Variants in PCDHA3 observed in about 807,000 individuals in gnomAD.
The protein encoded by PCDHA3 is protocadherin alpha 3, also known as protocadherin alpha-3.
PCDHA3 carries 41 observed loss-of-function variants against 62.2 expected under a neutral mutation model. That is an observed-to-expected ratio of 0.66 (90% CI 0.51 to 0.86). The LOEUF (loss-of-function observed/expected upper bound fraction) is 0.86, where lower values mean the gene tolerates loss of function less well. PCDHA3 is among the 40% of genes least tolerant of loss of function. The pLI, the probability that PCDHA3 is intolerant of heterozygous loss-of-function variation, is 0.00. For synonymous variants in PCDHA3, 640 were observed against 555.4 expected (o/e 1.15, Z -2.14); for missense variants, 1,304 against 1,241.2 (o/e 1.05, Z -0.76).
chr5:140,869,244 C>A (rs782454826), intron 1 of PCDHA3: 1 of 1,613,658 alleles, frequency 6.2e-7, no homozygotes. Flanking sequence ...TCGTGGGCCG[C>A]ATCGCGCAGG....
At chr5:140,971,958 C>G (rs2096508715) in intron 1 of PCDHA3, among the ~76,000 whole-genome samples, 1 of 152,054 alleles carries the variant, frequency 6.6e-6, no homozygotes, top group Non-Finnish European at 1.5e-5. Context: ...ACTCCAAAAA[C>G]TTTTTTTCAA....
chr5:140,874,547 G>C (rs2054980934), intron 1 of PCDHA3, among the ~76,000 whole-genome samples: 1 of 152,190 alleles, frequency 6.6e-6, no homozygotes, highest in Non-Finnish European at 1.5e-5. Context: ...AACCCTTTAA[G>C]AGATCTTTCG....
chr5:140,876,176 TG>T (rs1554168338), intron 1 of PCDHA3: 2 of 1,613,930 alleles, frequency 1.2e-6, no homozygotes, highest in Non-Finnish European at 1.7e-6. Context: ...GTCCTGGATG[TG>T]AATGACAATG....
Position 140,843,095 on chromosome 5 carries a change from G to GC in PCDHA3, c.2394+39505dup. On this transcript the variant is annotated intron_variant, in intron 1 of 3. Coordinates refer to ENST00000522353, the MANE Select transcript of PCDHA3 (RefSeq NM_018906.3). ...GTCTGTGGGCGCGGGCCACGTGGTA[G>GC]CGAAGGTGCGCGCAGTGGACGCCGA... is the stretch of plus-strand genomic sequence containing the variant. The GC allele has an allele frequency of 4.4e-6, 7 of 1,595,672 alleles. 2 individuals are homozygous for GC. The highest frequency in any genetic ancestry group is 6.0e-6 in the Non-Finnish European group (7 of 1,165,442).
At chr5:140,833,358 C>G (rs1772420671) in intron 1 of PCDHA3, among the ~76,000 whole-genome samples, 1 of 152,128 alleles carries the variant, frequency 6.6e-6, no homozygotes, top group Non-Finnish European at 1.5e-5. Flanking sequence ...AAAACGAACA[C>G]AGTAAGGTAG....
chr5:140,995,543 G>A (rs1243799532), intron 3 of PCDHA3, among the ~76,000 whole-genome samples: 1 of 152,144 alleles, frequency 6.6e-6, no homozygotes, highest in Non-Finnish European at 1.5e-5. Context: ...AATAAGGGGC[G>A]ATCACTGTAC....
chr5:140,806,983 G>T, intron 1 of PCDHA3: 2 of 643,876 alleles, frequency 3.1e-6, no homozygotes, highest in South Asian at 2.0e-5. Flanking sequence ...ACGGTTTGGA[G>T]CCACATGATG....
chr5:140,949,111 T>C (rs1316111436), intron 1 of PCDHA3, among the ~76,000 whole-genome samples: 1 of 151,772 alleles, frequency 6.6e-6, no homozygotes, highest in African/African-American at 2.4e-5. Context: ...AGTTTACAAA[T>C]ATTTTTGGTT....
chr5:140,937,511 G>A (rs569896730), intron 1 of PCDHA3, among the ~76,000 whole-genome samples: 2 of 152,166 alleles, frequency 1.3e-5, no homozygotes, highest in Non-Finnish European at 2.9e-5. Context: ...CAGCTACTCA[G>A]GAGGCTGAGG....
chr5:140,888,748 T>C (rs782271029), intron 1 of PCDHA3, among the ~76,000 whole-genome samples: 13 of 152,122 alleles, frequency 8.5e-5, no homozygotes, highest in Admixed American at 7.9e-4. Flanking sequence ...GGAATTATTC[T>C]ACCCACTTTT....
At chr5:140,973,107 G>A (rs2096572271) in intron 1 of PCDHA3, among the ~76,000 whole-genome samples, 1 of 152,192 alleles carries the variant, frequency 6.6e-6, no homozygotes, top group South Asian at 2.1e-4. Flanking sequence ...TTATGAAAGA[G>A]TAGCAGAGAT....
At chr5:140,951,751 C>T (rs1206749897) in intron 1 of PCDHA3, among the ~76,000 whole-genome samples, 2 of 152,112 alleles carry the variant, frequency 1.3e-5, no homozygotes, top group Non-Finnish European at 2.9e-5. Flanking sequence ...CCTCACCCTC[C>T]GCGAAATCTC....
At chr5:140,921,992 C>T (rs963694302) in intron 1 of PCDHA3, among the ~76,000 whole-genome samples, 1 of 151,726 alleles carries the variant, frequency 6.6e-6, no homozygotes, top group East Asian at 1.9e-4. Context: ...AAAAAGAGTT[C>T]AATGAAATGA....
In PCDHA3 at chr5:140,836,093, G is replaced by T. The variant is rs1554135604; in HGVS notation, c.2394+32502G>T. ...CGCCGGCACTGCTGGCGCCTCGGGTGGGTGGCACTGGTGGCGCAGTGAGAG... is the reference window on the plus strand; with the variant it reads ...CGCCGGCACTGCTGGCGCCTCGGGTTGGTGGCACTGGTGGCGCAGTGAGAG... On this transcript the variant is annotated intron_variant, in intron 1 of 3. Coordinates refer to ENST00000522353, the MANE Select transcript of PCDHA3 (RefSeq NM_018906.3). 1.9e-6 allele frequency: 3 copies of T among 1,613,720 alleles called. No homozygotes were observed. The South Asian group carries it at 3.3e-5, about 18-fold the overall frequency.
At chr5:140,897,694 G>A (rs1091552) in intron 1 of PCDHA3, among the ~76,000 whole-genome samples, 2,266 of 152,206 alleles carry the variant, frequency 0.015, 53 homozygotes, top group African/African-American at 0.052. Context: ...AGTCCTTTGG[G>A]CATATACCCA....
chr5:140,932,991 C>T (rs2088784414), intron 1 of PCDHA3, among the ~76,000 whole-genome samples: 1 of 151,940 alleles, frequency 6.6e-6, no homozygotes, highest in African/African-American at 2.4e-5. Context: ...AAATGCATGT[C>T]ATATGAATAT....
chr5:140,972,406 A>T (rs75214457), intron 1 of PCDHA3, among the ~76,000 whole-genome samples: 3,555 of 151,374 alleles, frequency 0.023, 73 homozygotes, highest in Middle Eastern at 0.055. Flanking sequence ...CTATTGGCAA[A>T]CCCTGTTAAG....
chr5:140,964,747 G>C (rs1170890203), intron 1 of PCDHA3, among the ~76,000 whole-genome samples: 3 of 151,868 alleles, frequency 2.0e-5, no homozygotes, highest in Non-Finnish European at 4.4e-5. Context: ...AATTATTGTA[G>C]GGATGTTTGG....
intron 1 of PCDHA3, chr5:140,876,186 T>A: frequency 1.2e-6 from 2 of 1,613,960 alleles, no homozygotes; most frequent in Middle Eastern, 1.6e-4. Context: ...TGAATGACAA[T>A]GGTCCGGCGT....
Sources: allele counts gnomAD v4.1 joint callset (sites outside exome capture counted in the v4.1 genomes callset), GRCh38; gene constraint gnomAD v4.1.1; transcripts MANE v1.5; gene names NCBI Gene and HGNC (gene_info 2026-07-23, HGNC 2026-07-21).